The following RYR3 variants were observed in gnomAD, a reference collection of about 807,000 sequenced individuals.
RYR3 encodes brain ryanodine receptor-calcium release channel.
Under a neutral mutation model 584.3 loss-of-function variants are expected in RYR3, and 207 were observed. That is an observed-to-expected ratio of 0.35 (90% CI 0.32 to 0.40). RYR3 has a LOEUF of 0.40. Among genes scored for constraint, RYR3 ranks in the 10% least tolerant of loss-of-function variants. The pLI is 1.00. For missense variants in RYR3, 5,616 were observed against 6,089.2 expected, an observed-to-expected ratio of 0.92 and a Z score of 2.59; for synonymous variants, 2,416 against 2,248.5, an observed-to-expected ratio of 1.07 and a Z score of -2.11.
chr15:33,725,975 C>G (rs1220577277), intron 45 of RYR3, among the ~76,000 whole-genome samples: 2 of 10,058 alleles, frequency 2.0e-4, no homozygotes, highest in Non-Finnish European at 5.9e-4. Flanking sequence ...ATCCCCCCCC[C>G]CAAAAAAAAA....
rs567900080 is a variant in RYR3 at position 33,488,337 on chromosome 15, C to T, written c.171+14799C>T. ...TATTCATACATAGGCACCTCTGTCA[C>T]GCTTAGTACTTTGCTCTTTAGACCT... On this transcript the variant is annotated intron_variant, in intron 2 of 103. Transcript: ENST00000634891. Among the ~76,000 whole-genome samples the T allele has an allele frequency of 1.8e-4, 28 of 152,176 alleles. No individual in the cohort carries two copies. In the South Asian group the frequency reaches 2.9e-3, roughly 16 times the overall value.
chr15:33,434,181 A>G (rs2045456132), intron 1 of RYR3, among the ~76,000 whole-genome samples: 1 of 152,214 alleles, frequency 6.6e-6, no homozygotes, highest in South Asian at 2.1e-4. Context: ...GTTGTGCCTG[A>G]GAGAGAGCCC....
intron 5 of RYR3, among the ~76,000 whole-genome samples, chr15:33,533,752 A>G (rs1488804443): frequency 1.3e-5 from 2 of 152,220 alleles, no homozygotes; most frequent in Non-Finnish European, 2.9e-5. Flanking sequence ...AATGAAATAT[A>G]GTGTCTAGAT....
chr15:33,671,909 G>A (rs551815793), intron 38 of RYR3, among the ~76,000 whole-genome samples: 1 of 145,814 alleles, frequency 6.9e-6, no homozygotes, highest in South Asian at 2.3e-4. Context: ...CCACCTCACG[G>A]TTCAAGCGAT....
intron 12 of RYR3, among the ~76,000 whole-genome samples, chr15:33,576,988 G>A (rs541553458): frequency 6.6e-6 from 1 of 152,274 alleles, no homozygotes; most frequent in African/African-American, 2.4e-5. Context: ...CAAGTGGAGA[G>A]CCAAATCATG....
chr15:33,406,896 T>G (rs961265936), intron 1 of RYR3, among the ~76,000 whole-genome samples: 1 of 152,254 alleles, frequency 6.6e-6, no homozygotes, highest in East Asian at 1.9e-4. Context: ...TCTTATTGAA[T>G]TTGTGCTTCT....
intron 1 of RYR3, among the ~76,000 whole-genome samples, chr15:33,461,521 C>T (rs2048040397): frequency 6.6e-6 from 1 of 152,082 alleles, no homozygotes; most frequent in South Asian, 2.1e-4. Flanking sequence ...TCAATGAGTA[C>T]TTTCAACATG....
intron 1 of RYR3, among the ~76,000 whole-genome samples, chr15:33,388,366 C>T (rs2041769984): frequency 6.6e-6 from 1 of 152,132 alleles, no homozygotes; most frequent in East Asian, 1.9e-4. Context: ...ATAATAATTT[C>T]AACCCAATAG....
intron 98 of RYR3, chr15:33,856,897 T>G (rs1384060262): frequency 6.6e-6 from 1 of 152,222 alleles, no homozygotes; most frequent in East Asian, 1.9e-4. Flanking sequence ...GACCTCGTGA[T>G]CCGCCCGCCT....
intron 91 of RYR3, among the ~76,000 whole-genome samples, chr15:33,843,192 C>T (rs532909770): frequency 3.9e-5 from 6 of 152,096 alleles, no homozygotes; most frequent in East Asian, 1.9e-4. Context: ...TGTTGGCGGG[C>T]GCCTGTAGTC....
At chr15:33,376,128 G>A (rs2040721891) in intron 1 of RYR3, among the ~76,000 whole-genome samples, 1 of 152,094 alleles carries the variant, frequency 6.6e-6, no homozygotes, top group African/African-American at 2.4e-5. Context: ...TTCAGGCAAC[G>A]TTCTTCTCCC....
intron 32 of RYR3, among the ~76,000 whole-genome samples, chr15:33,653,629 C>T (rs958634599): frequency 6.6e-6 from 1 of 151,408 alleles, no homozygotes; most frequent in Non-Finnish European, 1.5e-5. Context: ...GAGATCACAC[C>T]ACTGCACCCC....
chr15:33,857,691 TTCC>T (rs1262824416), intron 98 of RYR3, 86 bp from the exon 99 acceptor site: 18 of 1,535,066 alleles, frequency 1.2e-5, no homozygotes, highest in Non-Finnish European at 1.5e-5. Context: ...GTCCTCACTC[TTCC>T]TCCTCGTTTT....
chr15:33,587,363 C>T (rs1266257790), intron 16 of RYR3, among the ~76,000 whole-genome samples: 1 of 152,170 alleles, frequency 6.6e-6, no homozygotes, highest in Non-Finnish European at 1.5e-5. Flanking sequence ...AGCCTTTTGA[C>T]AGGAAAGCTG....
At chr15:33,554,291 CTTT>C (rs71117147) in intron 10 of RYR3, among the ~76,000 whole-genome samples, 5 of 126,498 alleles carry the variant, frequency 4.0e-5, no homozygotes, top group African/African-American at 9.1e-5. Context: ...CCTCCATTAT[CTTT>C]TTTTTTTTTT....
intron 76 of RYR3, 102 bp from the exon 77 acceptor site, chr15:33,819,654 A>C (rs910958927): frequency 2.7e-6 from 2 of 739,438 alleles, no homozygotes; most frequent in Non-Finnish European, 3.7e-6. Context: ...AGCCTAGGGG[A>C]CAAGAGAAAA....
At chr15:33,325,350 A>G (rs1969532338) in intron 1 of RYR3, among the ~76,000 whole-genome samples, 1 of 152,240 alleles carries the variant, frequency 6.6e-6, no homozygotes, top group Non-Finnish European at 1.5e-5. Flanking sequence ...GCATAAACCC[A>G]GCCATCACTC....
At chr15:33,692,578 C>T (rs1028450414) in intron 38 of RYR3, among the ~76,000 whole-genome samples, 1 of 151,114 alleles carries the variant, frequency 6.6e-6, no homozygotes, top group Non-Finnish European at 1.5e-5. Flanking sequence ...AGCAACACAG[C>T]GGTAAGTCTT....
At chr15:33,475,472 A>G (rs1488165224) in intron 2 of RYR3, among the ~76,000 whole-genome samples, 3 of 152,176 alleles carry the variant, frequency 2.0e-5, no homozygotes, top group Non-Finnish European at 4.4e-5. Flanking sequence ...TCACGTGCAC[A>G]GCTCACATTA....
Sources: gnomAD v4.1 joint callset for allele counts (sites outside exome capture counted in the v4.1 genomes callset) on GRCh38, gnomAD v4.1.1 for gene constraint, MANE v1.5 for transcripts, NCBI Gene and HGNC (gene_info 2026-07-23, HGNC 2026-07-21) for gene names.